The following CAPG variants were observed in gnomAD, a reference collection of about 807,000 sequenced individuals.
CAPG encodes the protein macrophage-capping protein.
A neutral mutation model predicts 44.6 loss-of-function variants in CAPG; 32 were observed. That is an observed-to-expected ratio of 0.72 (90% CI 0.54 to 0.96). The LOEUF is 0.96. CAPG is among the 50% of genes least tolerant of loss of function. The pLI, the probability that CAPG is intolerant of heterozygous loss-of-function variation, is 0.00. For synonymous variants in CAPG, 175 were observed against 179.6 expected, an observed-to-expected ratio of 0.97 and a Z score of 0.20; for missense variants, 412 against 438.3, an observed-to-expected ratio of 0.94 and a Z score of 0.54.
chr2:85,408,344 A>T (rs945474497), intron 1 of CAPG, among the ~76,000 whole-genome samples: 4 of 128,268 alleles, frequency 3.1e-5, no homozygotes, highest in South Asian at 2.6e-4. Context: ...TCTGTCACAC[A>T]CACACACACA....
chr2:85,407,077 GCAC>G (rs2104836843), intron 1 of CAPG, among the ~76,000 whole-genome samples: 1 of 151,896 alleles, frequency 6.6e-6, no homozygotes, highest in East Asian at 2.0e-4. Flanking sequence ...TTAGAGGCGT[GCAC>G]CACCACATCT....
intron 1 of CAPG, among the ~76,000 whole-genome samples, chr2:85,417,106 G>A (rs1687569081): frequency 6.6e-6 from 1 of 152,184 alleles, no homozygotes; most frequent in Non-Finnish European, 1.5e-5. Flanking sequence ...AGGTGCCTGG[G>A]ATGGGGGGAC....
intron 4 of CAPG, 91 bp downstream of exon 4, chr2:85,401,438 C>G (rs1686881593): frequency 1.3e-6 from 2 of 1,576,946 alleles, no homozygotes; most frequent in African/African-American, 1.3e-5. Context: ...TCCAAAGGCA[C>G]CCGGGTCTTC....
chr2:85,405,321 T>C (rs1222822562), intron 1 of CAPG, among the ~76,000 whole-genome samples: 2 of 152,204 alleles, frequency 1.3e-5, no homozygotes, highest in Non-Finnish European at 2.9e-5. Context: ...AGAGGATTTC[T>C]TTTTTTGGCT....
chr2:85,395,620 T>G lies in CAPG; in HGVS notation c.899A>C (p.Lys300Thr). ...CGKIYIWKGR[K>T]ANEKERQAAL... The stretch of plus-strand genomic sequence containing the variant: ...TGCCTGCCGCTCCTTCTCATTCGCT[T>G]TTCGCCCTAGATCATAGGAAGGAGA... Residue 300 changes from lysine (K) to threonine (T), a missense_variant, in exon 9 of 10, where the codon AAA (lysine) becomes ACA (threonine). Transcript: ENST00000263867. This position sits in a 1 kb window ranked among gnomAD's most constrained non-coding sequence, Gnocchi z 4.3. The G allele has an allele frequency of 6.2e-7, 1 of 1,613,314 alleles. No homozygotes were observed. Among genetic ancestry groups the G allele is most frequent in the Non-Finnish European group, 8.5e-7 (1 of 1,179,554 alleles).
chr2:85,413,416 C>A (rs910493795), upstream of CAPG, among the ~76,000 whole-genome samples: 1 of 152,154 alleles, frequency 6.6e-6, no homozygotes. Context: ...CCCATCTCTA[C>A]TAATAATACA....
rs772405188 is a variant in CAPG at position 85,399,154 on chromosome 2, C to CTGAGTGA, written c.647_648insTCACTCA (p.Glu216AspfsTer6). 2.0e-5 allele frequency: 32 copies of CTGAGTGA among 1,614,070 alleles called. No homozygotes were observed. The highest frequency in any genetic ancestry group is 2.6e-5 in the Non-Finnish European group (31 of 1,179,996). On this transcript the variant is annotated frameshift_variant, in exon 6 of 10. Transcript: ENST00000263867. LOFTEE classifies it high-confidence loss of function. ...CCCCAACCTGGATCATCTCAGCAGG[C>CTGAGTGA]TCCTCCCCATCAGTGACAATCTCCA...
chr2:85,413,337 T>C (rs112799899), upstream of CAPG: 11,157 of 152,338 alleles, frequency 0.073, 499 homozygotes, highest in Middle Eastern at 0.088. Context: ...CCCAACACTC[T>C]GGGAGGCCGT....
At chr2:85,406,832 T>G (rs1004295809) in intron 1 of CAPG, among the ~76,000 whole-genome samples, 5 of 149,124 alleles carry the variant, frequency 3.4e-5, no homozygotes, top group African/African-American at 1.2e-4. Context: ...CACTCCAACC[T>G]GGGCAACAAG....
At chr2:85,417,848 G>A (rs1687600685) in intron 1 of CAPG, among the ~76,000 whole-genome samples, 1 of 152,094 alleles carries the variant, frequency 6.6e-6, no homozygotes, top group African/African-American at 2.4e-5. Flanking sequence ...TTTGAGGTCT[G>A]ATCCTGATGA....
upstream of CAPG, among the ~76,000 whole-genome samples, chr2:85,410,865 G>GTT (rs200397680): frequency 0.023 from 2,860 of 126,184 alleles, 41 homozygotes; most frequent in South Asian, 0.043. Context: ...GGTTTTTTTT[G>GTT]TTTTTTTTTT....
intron 1 of CAPG, among the ~76,000 whole-genome samples, chr2:85,404,226 T>C (rs1687040662): frequency 6.6e-6 from 1 of 150,830 alleles, no homozygotes; most frequent in South Asian, 2.1e-4. Flanking sequence ...GCAATTATTA[T>C]CTGTCAATTA....
chr2:85,402,176 G>T lies in CAPG; in HGVS notation c.-13-18C>A. The stretch of plus-strand genomic sequence containing the variant: ...CTTCAGATCTGGAAAGAAAGAAGAA[G>T]CCATTATTATTACAAATGCCACAAA... On this transcript the variant is annotated intron_variant, in intron 1 of 9. Coordinates refer to ENST00000263867, the MANE Select transcript of CAPG (RefSeq NM_001747.4). 6.3e-7 allele frequency: 1 copy of T among 1,582,984 alleles called. No homozygotes were observed. The highest frequency in any genetic ancestry group is 1.1e-5 in the South Asian group (1 of 87,664).
At chr2:85,397,552 A>G (rs982569266) in intron 8 of CAPG, among the ~76,000 whole-genome samples, 4 of 151,932 alleles carry the variant, frequency 2.6e-5, no homozygotes, top group African/African-American at 7.2e-5. Context: ...AAAATACAAA[A>G]ATTAGCCAGG....
intron 1 of CAPG, among the ~76,000 whole-genome samples, chr2:85,403,198 G>A (rs757203345): frequency 6.6e-6 from 1 of 152,108 alleles, no homozygotes; most frequent in Non-Finnish European, 1.5e-5. Context: ...ATATTAAAAG[G>A]ATAAAGGGAA....
Position 85,397,886 on chromosome 2 carries a change from G to C in CAPG, c.892+134C>G, listed in dbSNP as rs559498686. 1.4e-5 allele frequency: 12 copies of C among 867,568 alleles called. No individual in the cohort carries two copies. The East Asian group carries it at 2.0e-4, about 14-fold the overall frequency. The allele number at this position is 867,568 out of a possible 1,614,324, so 53.7% of individuals were successfully genotyped here. On this transcript the variant is annotated intron_variant, in intron 8 of 9. Coordinates refer to ENST00000263867, the MANE Select transcript of CAPG (RefSeq NM_001747.4). The stretch of plus-strand genomic sequence containing the variant: ...AAAAAAATTTTTAAAGAGAGAAAAT[G>C]GTCAGCCAGAAGCATGCAGGCTTCC...
chr2:85,415,009 A>G (rs138655957), upstream of CAPG, among the ~76,000 whole-genome samples: 683 of 152,246 alleles, frequency 4.5e-3, 1 homozygote, highest in Non-Finnish European at 6.0e-3. Flanking sequence ...GAAAATCCCA[A>G]CCAGAATGAG....
rs1686570771 is a variant in CAPG at position 85,395,830 on chromosome 2, G to A, written c.893-204C>T. On this transcript the variant is annotated intron_variant, in intron 8 of 9. Coordinates refer to ENST00000263867, the MANE Select transcript of CAPG (RefSeq NM_001747.4). This position sits in a 1 kb window ranked among gnomAD's most constrained non-coding sequence, Gnocchi z 4.3. ...ATTTTCCCAAACCGGCAGCACCAAG[G>A]TAGATGAAAACCCCTCGTCTGCCCG... The A allele has an allele frequency of 7.0e-6, 4 of 567,416 alleles. No homozygotes were observed. The South Asian group carries it at 8.2e-5, about 12-fold the overall frequency. 35.1% of individuals were successfully genotyped at this position (567,416 alleles called of 1,614,324 possible). A position where few individuals can be genotyped will look rare whatever the true frequency, so the allele number is the denominator to read the frequency against.
downstream of CAPG, among the ~76,000 whole-genome samples, chr2:85,393,938 G>T (rs1002949474): frequency 4.6e-5 from 7 of 152,314 alleles, no homozygotes; most frequent in African/African-American, 1.7e-4. Context: ...TTTGTTTTGG[G>T]ATGAAAGAAT....
Sources: allele counts gnomAD v4.1 joint callset (sites outside exome capture counted in the v4.1 genomes callset), GRCh38; gene constraint gnomAD v4.1.1; non-coding constraint Gnocchi (gnomAD v3.1); transcripts MANE v1.5; gene names NCBI Gene and HGNC (gene_info 2026-07-23, HGNC 2026-07-21).